ROBO1: variants seen among roughly 807,000 people sequenced by gnomAD.
ROBO1 encodes roundabout homolog 1.
Under a neutral mutation model 195.9 loss-of-function variants are expected in ROBO1, and 149 were observed. The observed-to-expected ratio is 0.76, with a 90% CI of 0.67 to 0.87. ROBO1 has a LOEUF of 0.87. Ranked by LOEUF, ROBO1 falls within the 40% of genes least tolerant of loss-of-function variation. The probability of loss-of-function intolerance (pLI) is 0.00; values close to 1 mark genes in which losing one functional copy is unlikely to be tolerated. For missense variants in ROBO1, 1,933 were observed against 2,068.3 expected, an observed-to-expected ratio of 0.93 and a Z score of 1.27; for synonymous variants, 816 against 733.2, an observed-to-expected ratio of 1.11 and a Z score of -1.82.
At chr3:79,006,865 T>C (rs904357320) in intron 3 of ROBO1, among the ~76,000 whole-genome samples, 2 of 152,044 alleles carry the variant, frequency 1.3e-5, no homozygotes, top group African/African-American at 4.8e-5. Context: ...AGACCAGTTA[T>C]CTAGCTTCTT....
intron 3 of ROBO1, 43 bp downstream of exon 3, chr3:79,125,413 G>C (rs1387208258): frequency 6.8e-7 from 1 of 1,477,240 alleles, no homozygotes; most frequent in East Asian, 2.3e-5. Context: ...GGAGGTGGAG[G>C]CATTTCAGGA....
intron 4 of ROBO1, among the ~76,000 whole-genome samples, chr3:78,827,658 G>T (rs2031747577): frequency 6.6e-6 from 1 of 152,142 alleles, no homozygotes; most frequent in African/African-American, 2.4e-5. Flanking sequence ...TGTTGTGGGG[G>T]TTCGAAGCTC....
chr3:79,099,769 T>C (rs2079641544), intron 3 of ROBO1, among the ~76,000 whole-genome samples: 1 of 151,836 alleles, frequency 6.6e-6, no homozygotes, highest in South Asian at 2.1e-4. Flanking sequence ...TATATTGCCT[T>C]GTTTGTATAT....
intron 2 of ROBO1, among the ~76,000 whole-genome samples, chr3:79,587,503 A>AT (rs1293851651): frequency 6.6e-6 from 1 of 151,640 alleles, no homozygotes; most frequent in South Asian, 2.1e-4. Flanking sequence ...AGCATGTTAC[A>AT]TTTTTTTCAT....
intron 2 of ROBO1, among the ~76,000 whole-genome samples, chr3:79,207,029 C>T (rs2081880321): frequency 6.6e-6 from 1 of 152,064 alleles, no homozygotes; most frequent in South Asian, 2.1e-4. Context: ...AGTGCATTTG[C>T]ATGACGATGT....
intron 3 of ROBO1, among the ~76,000 whole-genome samples, chr3:79,108,548 C>T (rs1453069320): frequency 1.3e-5 from 2 of 151,564 alleles, no homozygotes; most frequent in African/African-American, 4.8e-5. Context: ...TTGTTGAATA[C>T]AATTCTGAAT....
At chr3:79,688,952 C>T (rs1381809288) in intron 1 of ROBO1, among the ~76,000 whole-genome samples, 1 of 151,972 alleles carries the variant, frequency 6.6e-6, no homozygotes, top group South Asian at 2.1e-4. Flanking sequence ...TCTTAAATTT[C>T]CCCATTATTT....
chr3:78,889,025 T>C (rs776287723), intron 4 of ROBO1, among the ~76,000 whole-genome samples: 2 of 152,176 alleles, frequency 1.3e-5, no homozygotes, highest in Non-Finnish European at 2.9e-5. Flanking sequence ...TGTAGAAAGA[T>C]ACACTCTCTT....
At chr3:79,151,152 A>G (rs1349194865) in intron 2 of ROBO1, among the ~76,000 whole-genome samples, 3 of 151,952 alleles carry the variant, frequency 2.0e-5, no homozygotes, top group East Asian at 3.9e-4. Flanking sequence ...CTTGCCTTCC[A>G]TCATGATTGC....
rs140250941 is a variant in ROBO1 at position 79,662,026 on chromosome 3, CA to C, written c.-50-72066del. ...CCTCTCAAGTTTAAAATGCAAAGAGCAGTCCTTTTTTACAGGTTTTCTATGA... is the reference window on the plus strand; with the variant it reads ...CCTCTCAAGTTTAAAATGCAAAGAGCGTCCTTTTTTACAGGTTTTCTATGA... On this transcript the variant is annotated intron_variant, in intron 1 of 30. Coordinates refer to ENST00000464233, the MANE Select transcript of ROBO1 (RefSeq NM_002941.4). Among the ~76,000 whole-genome samples the C allele has an allele frequency of 1.0e-3, 158 of 152,086 alleles. 1 individual carries two copies. The highest frequency in any genetic ancestry group is 2.5e-3 in the Admixed American group (38 of 15,244).
At chr3:79,134,981 A>G (rs1382481980) in intron 2 of ROBO1, among the ~76,000 whole-genome samples, 1 of 147,218 alleles carries the variant, frequency 6.8e-6, no homozygotes, top group Non-Finnish European at 1.5e-5. Context: ...TGGCACATGT[A>G]TACATATGTA....
intron 3 of ROBO1, among the ~76,000 whole-genome samples, chr3:79,005,935 C>G (rs2077609610): frequency 6.6e-6 from 1 of 152,086 alleles, no homozygotes; most frequent in Non-Finnish European, 1.5e-5. Flanking sequence ...AAGGTAGGGA[C>G]TTCTTTGCAA....
intron 2 of ROBO1, among the ~76,000 whole-genome samples, chr3:79,374,680 T>C (rs2036321425): frequency 6.6e-6 from 1 of 152,170 alleles, no homozygotes; most frequent in South Asian, 2.1e-4. Flanking sequence ...ACATGTAAAA[T>C]ACTTTAATGG....
intron 3 of ROBO1, among the ~76,000 whole-genome samples, chr3:79,033,777 A>G (rs1293027925): frequency 1.3e-5 from 2 of 152,156 alleles, no homozygotes; most frequent in African/African-American, 2.4e-5. Flanking sequence ...TATATTTTCA[A>G]TAGTTCATCT....
chr3:79,472,721 C>T (rs1938347321), intron 2 of ROBO1, among the ~76,000 whole-genome samples: 1 of 152,122 alleles, frequency 6.6e-6, no homozygotes, highest in Non-Finnish European at 1.5e-5. Context: ...TTGCTTGGTG[C>T]TTGGCTTTCA....
intron 2 of ROBO1, among the ~76,000 whole-genome samples, chr3:79,346,152 T>A (rs1685821123): frequency 1.3e-5 from 2 of 152,186 alleles, no homozygotes; most frequent in Admixed American, 1.3e-4. Context: ...GATTGCTCTA[T>A]ATTGCTCATT....
intron 2 of ROBO1, among the ~76,000 whole-genome samples, chr3:79,457,150 T>C (rs1256647580): frequency 2.0e-5 from 3 of 152,288 alleles, no homozygotes; most frequent in South Asian, 2.1e-4. Context: ...ACTGATGACA[T>C]TCAAGGCATA....
At chr3:79,174,514 C>T (rs2081229887) in intron 2 of ROBO1, among the ~76,000 whole-genome samples, 1 of 152,126 alleles carries the variant, frequency 6.6e-6, no homozygotes, top group South Asian at 2.1e-4. Flanking sequence ...GACCAAGAAC[C>T]CACCAATTCC....
chr3:79,542,516 A>G (rs928143583), intron 2 of ROBO1, among the ~76,000 whole-genome samples: 1 of 152,102 alleles, frequency 6.6e-6, no homozygotes, highest in Non-Finnish European at 1.5e-5. Flanking sequence ...CTTCAGCTAC[A>G]TCTTCAATTC....
Sources: gnomAD v4.1 joint callset for allele counts (sites outside exome capture counted in the v4.1 genomes callset) on GRCh38, gnomAD v4.1.1 for gene constraint, MANE v1.5 for transcripts, NCBI Gene and HGNC (gene_info 2026-07-23, HGNC 2026-07-21) for gene names.